Variants in CHIC1 observed in about 807,000 individuals in gnomAD.
The protein encoded by CHIC1 is cysteine-rich hydrophobic domain-containing protein 1.
Under a neutral mutation model 18.5 loss-of-function variants are expected in CHIC1, and 7 were observed. The observed-to-expected ratio is 0.38, with a 90% confidence interval of 0.22 to 0.71. The LOEUF (loss-of-function observed/expected upper bound fraction) is 0.71, where lower values mean the gene tolerates loss of function less well. Ranked by LOEUF, CHIC1 falls within the 30% of genes least tolerant of loss-of-function variation. The pLI is 0.49. For missense variants in CHIC1, 159 were observed against 176.9 expected (o/e 0.90, Z 0.57); for synonymous variants, 77 against 73.5 (o/e 1.05, Z -0.25).
intron 3 of CHIC1, among the ~76,000 whole-genome samples, chrX:73,676,049 G>T (rs1400341943): frequency 8.9e-6 from 1 of 111,846 alleles, no homozygotes. Flanking sequence ...TAAGAATGCT[G>T]AATATTGGCC....
At chrX:73,644,549 G>A (rs1026443078) in intron 3 of CHIC1, among the ~76,000 whole-genome samples, 4 of 112,437 alleles carry the variant, frequency 3.6e-5, no homozygotes, top group South Asian at 3.7e-4. Flanking sequence ...CAAGCTTCCC[G>A]GCTGCTTTGT....
At chrX:73,650,484 A>T (rs928859544) in intron 3 of CHIC1, among the ~76,000 whole-genome samples, 2 of 110,913 alleles carry the variant, frequency 1.8e-5, no homozygotes, top group Non-Finnish European at 3.8e-5. Context: ...ACAATGAAAA[A>T]TGATAAAGGG....
intron 3 of CHIC1, among the ~76,000 whole-genome samples, chrX:73,675,593 C>T (rs2058057655): frequency 9.0e-6 from 1 of 111,467 alleles, no homozygotes; most frequent in South Asian, 3.8e-4. Flanking sequence ...GGTAGATCTT[C>T]CTCCATCCCT....
chrX:73,655,046 C>T (rs923004052), intron 3 of CHIC1, among the ~76,000 whole-genome samples: 2 of 110,259 alleles, frequency 1.8e-5, no homozygotes, highest in Non-Finnish European at 3.8e-5. Flanking sequence ...CTTTCTGATA[C>T]TCTTCATTCT....
chrX:73,677,119 C>A (rs891645787), intron 3 of CHIC1, among the ~76,000 whole-genome samples: 2 of 111,417 alleles, frequency 1.8e-5, no homozygotes, highest in African/African-American at 6.5e-5. Flanking sequence ...GTACCCGGCC[C>A]TGTGAGGTGT....
intron 3 of CHIC1, among the ~76,000 whole-genome samples, chrX:73,620,830 T>G (rs745361952): frequency 2.3e-4 from 26 of 112,337 alleles, no homozygotes; most frequent in African/African-American, 7.1e-4. Flanking sequence ...TTTATGGTTT[T>G]GGGTTTTACT....
chrX:73,570,488 G>GT (rs1388286982), intron 1 of CHIC1, among the ~76,000 whole-genome samples: 1 of 111,151 alleles, frequency 9.0e-6, no homozygotes. Flanking sequence ...TGATACCAAG[G>GT]TATAGGTTAA....
chrX:73,663,025 A>G (rs1376221326), intron 3 of CHIC1, among the ~76,000 whole-genome samples: 1 of 111,550 alleles, frequency 9.0e-6, no homozygotes, highest in African/African-American at 3.3e-5. Flanking sequence ...TGTAAACAGA[A>G]ATTTTTCTCT....
Position 73,683,994 on chromosome X carries a change from A to G in CHIC1, c.*2989A>G, listed in dbSNP as rs1033491596. On this transcript the variant is annotated 3_prime_UTR_variant, in exon 6 of 6. Transcript: ENST00000373502. ...TGGAGAAGTGCCTTGTCTTTTTAGA[A>G]CAAAGATAACACATTACGTGTAAGG... 1 of 112,244 alleles carries G rather than the reference A, an allele frequency of 8.9e-6. No homozygotes were observed. The highest frequency in any genetic ancestry group is 1.9e-5 in the Non-Finnish European group (1 of 52,924). 9.3% of individuals were successfully genotyped at this position (112,244 alleles called of 1,213,427 possible).
intron 3 of CHIC1, among the ~76,000 whole-genome samples, chrX:73,610,003 T>G (rs1207640537): frequency 1.8e-5 from 2 of 108,111 alleles, no homozygotes; most frequent in Admixed American, 1.9e-4. Flanking sequence ...ACTGCATGTT[T>G]ATACCTATTA....
chrX:73,612,287 G>A (rs1418133075), intron 3 of CHIC1, among the ~76,000 whole-genome samples: 1 of 111,665 alleles, frequency 9.0e-6, no homozygotes, highest in African/African-American at 3.3e-5. Flanking sequence ...CTCTTGTATT[G>A]TTGAATCGCT....
At chrX:73,620,095 C>A (rs901303531) in intron 3 of CHIC1, among the ~76,000 whole-genome samples, 1 of 112,211 alleles carries the variant, frequency 8.9e-6, no homozygotes, top group Non-Finnish European at 1.9e-5. Flanking sequence ...TTTCCTTATC[C>A]AGTCTATCAC....
intron 3 of CHIC1, among the ~76,000 whole-genome samples, chrX:73,595,187 T>A (rs1326411525): frequency 1.8e-5 from 2 of 111,261 alleles, no homozygotes; most frequent in African/African-American, 3.3e-5. Flanking sequence ...TCCCTTTTTT[T>A]ATTATATTTA....
intron 3 of CHIC1, among the ~76,000 whole-genome samples, chrX:73,640,813 C>G (rs2057852246): frequency 9.0e-6 from 1 of 111,036 alleles, no homozygotes; most frequent in African/African-American, 3.3e-5. Flanking sequence ...ATTTGTTGAT[C>G]TTTTGTATGG....
At position 73,684,821 on chromosome X, in the gene CHIC1, A is replaced by T. The variant is rs780637682; in HGVS notation, c.*3816A>T. The T allele has an allele frequency of 3.6e-5, 4 of 111,564 alleles. No homozygotes were observed. In the South Asian group the frequency reaches 1.1e-3, roughly 31 times the overall value. The allele number at this position is 111,564 out of a possible 1,213,427, so 9.2% of individuals were successfully genotyped here. A position where few individuals can be genotyped will look rare whatever the true frequency, so the allele number is the denominator to read the frequency against. On this transcript the variant is annotated 3_prime_UTR_variant, in exon 6 of 6. Coordinates refer to ENST00000373502, the MANE Select transcript of CHIC1 (RefSeq NM_001039840.4). ...TAGTATGTGGACTAAAACAATTGATATATATCTGTATGTAAAAATGAATGA... is the reference window on the plus strand; with the variant it reads ...TAGTATGTGGACTAAAACAATTGATTTATATCTGTATGTAAAAATGAATGA...
At chrX:73,672,953 G>A (rs1416620833) in intron 3 of CHIC1, among the ~76,000 whole-genome samples, 1 of 111,794 alleles carries the variant, frequency 8.9e-6, no homozygotes, top group Non-Finnish European at 1.9e-5. Flanking sequence ...TAAGGTGTAA[G>A]GAAGGCATCC....
At chrX:73,643,540 C>T (rs1213099239) in intron 3 of CHIC1, among the ~76,000 whole-genome samples, 1 of 111,815 alleles carries the variant, frequency 8.9e-6, no homozygotes, top group Non-Finnish European at 1.9e-5. Context: ...CACATAGTCC[C>T]ATATTTCTTG....
chrX:73,621,156 TG>T (rs2057758458), intron 3 of CHIC1, among the ~76,000 whole-genome samples: 1 of 111,913 alleles, frequency 8.9e-6, no homozygotes, highest in Admixed American at 9.5e-5. Context: ...TTGTTCTTTT[TG>T]CTTAGGATTG....
chrX:73,625,751 C>T (rs1430659825), intron 3 of CHIC1, among the ~76,000 whole-genome samples: 2 of 111,002 alleles, frequency 1.8e-5, no homozygotes, highest in African/African-American at 6.6e-5. Context: ...TTAGGAAGGT[C>T]TGTAACCTTC....
Sources: gnomAD v4.1 joint callset for allele counts (sites outside exome capture counted in the v4.1 genomes callset) on GRCh38, gnomAD v4.1.1 for gene constraint, MANE v1.5 for transcripts, NCBI Gene and HGNC (gene_info 2026-07-23, HGNC 2026-07-21) for gene names.